The following DIAPH3 variants were observed in gnomAD, a reference collection of about 807,000 sequenced individuals.
The protein encoded by DIAPH3 is protein diaphanous homolog 3.
DIAPH3 carries 117 observed loss-of-function variants against 144.3 expected under a neutral mutation model. That is an observed-to-expected ratio of 0.81 (90% CI 0.70 to 0.95). The LOEUF is 0.95. Among genes scored for constraint, DIAPH3 ranks in the 40% least tolerant of loss-of-function variants. The pLI, the probability that DIAPH3 is intolerant of heterozygous loss-of-function variation, is 0.00. For synonymous variants in DIAPH3, 519 were observed against 488.9 expected (o/e 1.06, Z -0.81); for missense variants, 1,421 against 1,412.7 (o/e 1.01, Z -0.09).
At chr13:60,065,503 A>T (rs748675243) in intron 4 of DIAPH3, among the ~76,000 whole-genome samples, 13 of 152,168 alleles carry the variant, frequency 8.5e-5, no homozygotes, top group Non-Finnish European at 1.5e-4. Flanking sequence ...ACTGCCTAGT[A>T]ACAGTGCCTG....
chr13:59,915,137 G>C (rs2047166981), intron 19 of DIAPH3, among the ~76,000 whole-genome samples: 1 of 152,038 alleles, frequency 6.6e-6, no homozygotes. Context: ...ATTTAAGGAA[G>C]TTGGCATCTA....
At chr13:59,862,877 T>C (rs2043682683) in intron 21 of DIAPH3, among the ~76,000 whole-genome samples, 1 of 152,196 alleles carries the variant, frequency 6.6e-6, no homozygotes. Context: ...AAGACATTTT[T>C]GCTCTCCAAG....
chr13:59,954,531 A>T (rs897457380), intron 17 of DIAPH3, among the ~76,000 whole-genome samples: 1 of 152,182 alleles, frequency 6.6e-6, no homozygotes, highest in Non-Finnish European at 1.5e-5. Flanking sequence ...TGGACAGGGG[A>T]TGACCATGTC....
At chr13:59,854,929 T>A (rs1198623473) in intron 22 of DIAPH3, among the ~76,000 whole-genome samples, 2 of 152,182 alleles carry the variant, frequency 1.3e-5, no homozygotes, top group Non-Finnish European at 2.9e-5. Context: ...TTCTTCATCA[T>A]CATCTATTAG....
At chr13:59,694,895 T>A (rs890078505) in intron 27 of DIAPH3, among the ~76,000 whole-genome samples, 8 of 152,148 alleles carry the variant, frequency 5.3e-5, no homozygotes, top group African/African-American at 1.9e-4. Flanking sequence ...CGCAACCACC[T>A]GGAGAACAAA....
At chr13:59,857,567 T>A (rs989446061) in intron 22 of DIAPH3, among the ~76,000 whole-genome samples, 2 of 152,208 alleles carry the variant, frequency 1.3e-5, no homozygotes, top group Admixed American at 1.3e-4. Flanking sequence ...GAATCCACTC[T>A]GATAATACAC....
intron 20 of DIAPH3, among the ~76,000 whole-genome samples, chr13:59,910,766 A>G (rs1264618088): frequency 1.3e-5 from 2 of 151,296 alleles, no homozygotes; most frequent in Admixed American, 6.6e-5. Context: ...GTTTTAGAAT[A>G]AGAATTATAA....
In DIAPH3 at chr13:59,971,083, A is replaced by G; in HGVS notation, c.1728T>C (p.Pro576=). 1.9e-6 allele frequency: 3 copies of G among 1,613,284 alleles called. No individual in the cohort carries two copies. The highest frequency in any genetic ancestry group is 8.5e-7 in the Non-Finnish European group (1 of 1,179,592). ...KEGGTGHSAL[P]PPPPLPSGGG... is the part of the protein sequence containing the mutation. The stretch of plus-strand genomic sequence containing the variant: ...CACCAGAAGGCAGTGGAGGCGGAGG[A>G]GGAAGTGCTGAGTGGCCAGTTCCAC... Residue 576 remains proline (P), a synonymous_variant, in exon 16 of 28, where the codon CCT becomes CCC. Coordinates refer to ENST00000400324, the MANE Select transcript of DIAPH3 (RefSeq NM_001042517.2).
At chr13:59,955,063 CAT>C (rs756558513) in intron 17 of DIAPH3, among the ~76,000 whole-genome samples, 12 of 119,608 alleles carry the variant, frequency 1.0e-4, no homozygotes, top group East Asian at 4.0e-4. Context: ...AATATTCTTT[CAT>C]ATATATATAT....
At chr13:60,040,245 A>AAAAAAAG (rs2055551597) in intron 5 of DIAPH3, among the ~76,000 whole-genome samples, 1 of 150,618 alleles carries the variant, frequency 6.6e-6, no homozygotes, top group East Asian at 1.9e-4. Context: ...AAAAAAAAAA[A>AAAAAAAG]AAAAAAGGAT....
At chr13:59,699,546 C>T (rs2033991435) in intron 27 of DIAPH3, among the ~76,000 whole-genome samples, 1 of 152,156 alleles carries the variant, frequency 6.6e-6, no homozygotes, top group African/African-American at 2.4e-5. Context: ...TTCAGAAACA[C>T]TTTGGGGCAC....
rs1468247101 is a variant in DIAPH3 at position 59,911,721 on chromosome 13, G to C, written c.2367+14C>G. The C allele has an allele frequency of 1.3e-6, 2 of 1,599,596 alleles. No individual in the cohort carries two copies. Among genetic ancestry groups the C allele is most frequent in the African/African-American group, 2.7e-5 (2 of 74,604 alleles). ...GGCACAGTATAAAAATCCTCTCTGA[G>C]ACTCGGTACTTACCACAACCACAAA... is the stretch of plus-strand genomic sequence containing the variant. On this transcript the variant is annotated intron_variant, in intron 20 of 27. Coordinates refer to ENST00000400324, the MANE Select transcript of DIAPH3 (RefSeq NM_001042517.2).
chr13:59,744,406 C>T (rs2036607513), intron 27 of DIAPH3, among the ~76,000 whole-genome samples: 1 of 152,200 alleles, frequency 6.6e-6, no homozygotes, highest in Admixed American at 6.5e-5. Flanking sequence ...GGTCTCTGCC[C>T]TCCAAGAGGG....
chr13:59,704,094 C>A (rs1254807128), intron 27 of DIAPH3, among the ~76,000 whole-genome samples: 1 of 152,116 alleles, frequency 6.6e-6, no homozygotes, highest in Non-Finnish European at 1.5e-5. Context: ...AAAAATAGAT[C>A]TTCTTCTTAG....
chr13:59,999,605 C>G (rs1434181726), intron 9 of DIAPH3, among the ~76,000 whole-genome samples: 2 of 152,166 alleles, frequency 1.3e-5, no homozygotes, highest in African/African-American at 4.8e-5. Context: ...CCAGCCAAGG[C>G]TTGAGCACAG....
intron 25 of DIAPH3, among the ~76,000 whole-genome samples, chr13:59,796,986 C>T (rs577948309): frequency 6.6e-6 from 1 of 152,190 alleles, no homozygotes; most frequent in Admixed American, 6.5e-5. Flanking sequence ...AGCTAACTGG[C>T]CTGCTATTAC....
At chr13:59,990,210 T>C (rs953002703) in intron 12 of DIAPH3, among the ~76,000 whole-genome samples, 1 of 151,844 alleles carries the variant, frequency 6.6e-6, no homozygotes, top group African/African-American at 2.4e-5. Context: ...GTAATTTTGA[T>C]GCATGTCCTA....
chr13:59,802,806 C>A (rs1465005361), intron 25 of DIAPH3, among the ~76,000 whole-genome samples: 4 of 147,380 alleles, frequency 2.7e-5, no homozygotes, highest in African/African-American at 5.0e-5. Flanking sequence ...CTCAGCCTCC[C>A]GAGTAGCTGG....
intron 2 of DIAPH3, 48 bp from the exon 3 acceptor site, chr13:60,112,234 A>G (rs771853591): frequency 6.2e-7 from 1 of 1,605,968 alleles, no homozygotes; most frequent in Non-Finnish European, 8.5e-7. Flanking sequence ...TCCTTTCCCA[A>G]CATTTATCTC....
Sources: gnomAD v4.1 joint callset for allele counts (sites outside exome capture counted in the v4.1 genomes callset) on GRCh38, gnomAD v4.1.1 for gene constraint, MANE v1.5 for transcripts, NCBI Gene and HGNC (gene_info 2026-07-23, HGNC 2026-07-21) for gene names.